The following IPO11 variants were observed in gnomAD, a reference collection of about 807,000 sequenced individuals.
IPO11 encodes importin 11.
In IPO11, 66 loss-of-function variants were observed where a neutral mutation model predicts 143.2. The ratio of observed to expected loss-of-function variants is 0.46; its 90% CI spans 0.38 to 0.57. IPO11 has a LOEUF of 0.57. IPO11 is among the 20% of genes least tolerant of loss of function. IPO11 has a pLI of 0.00. For synonymous variants in IPO11, 385 were observed against 377.8 expected (o/e 1.02, Z -0.22); for missense variants, 1,026 against 1,141.0 (o/e 0.90, Z 1.45).
chr5:62,485,537 CTATTA>C lies in IPO11; in HGVS notation c.1218+76_1218+80del. 6 of 1,166,560 alleles carry C rather than the reference CTATTA, an allele frequency of 5.1e-6. No individual in the cohort carries two copies. In the South Asian group the frequency reaches 7.8e-5, roughly 15 times the overall value. 72.3% of individuals were successfully genotyped at this position (1,166,560 alleles called of 1,614,324 possible). A position where few individuals can be genotyped will look rare whatever the true frequency, so the allele number is the denominator to read the frequency against. On this transcript the variant is annotated intron_variant, in intron 12 of 29. Coordinates refer to ENST00000325324, the MANE Select transcript of IPO11 (RefSeq NM_016338.5). ...AAAGCTCTTAGTAGAGAATGACACT[CTATTA>C]AAGATTCCAGACATTTGCTGGGCAT...
At chr5:62,536,584 C>T (rs1742742561) in intron 22 of IPO11, 118 bp from the exon 23 acceptor site, 13 of 1,187,072 alleles carry the variant, frequency 1.1e-5, no homozygotes, top group East Asian at 9.3e-5. Context: ...TGATAGTACT[C>T]GGAAGAGGTT....
At chr5:62,609,807 A>G (rs1352619797) in intron 29 of IPO11, among the ~76,000 whole-genome samples, 1 of 152,230 alleles carries the variant, frequency 6.6e-6, no homozygotes, top group Non-Finnish European at 1.5e-5. Context: ...CACATAATTC[A>G]GTGTCCTAAT....
chr5:62,538,453 TG>T (rs1347295212), intron 24 of IPO11, among the ~76,000 whole-genome samples: 1 of 152,192 alleles, frequency 6.6e-6, no homozygotes, highest in African/African-American at 2.4e-5. Flanking sequence ...ATCCTGGGGA[TG>T]GTTTTCCCCA....
chr5:62,514,134 C>A (rs939338041), intron 19 of IPO11, among the ~76,000 whole-genome samples: 12 of 151,708 alleles, frequency 7.9e-5, no homozygotes, highest in African/African-American at 2.9e-4. Context: ...AGGGGCTCCT[C>A]ACATCCCAGA....
chr5:62,433,410 G>A (rs1255527077), intron 1 of IPO11, among the ~76,000 whole-genome samples: 1 of 152,076 alleles, frequency 6.6e-6, no homozygotes, highest in African/African-American at 2.4e-5. Context: ...AGGCACGTTC[G>A]TATATTGGTT....
intron 19 of IPO11, 146 bp downstream of exon 19, chr5:62,506,503 A>T (rs545233299): frequency 3.9e-6 from 2 of 506,466 alleles, no homozygotes; most frequent in African/African-American, 3.8e-5. Context: ...GTTATGTATT[A>T]TTCAAAATTG....
intron 9 of IPO11, among the ~76,000 whole-genome samples, chr5:62,479,206 G>A (rs989297628): frequency 6.6e-6 from 1 of 152,112 alleles, no homozygotes. Flanking sequence ...CCGTCCTTGC[G>A]ATAGTATGCT....
chr5:62,480,018 C>G (rs1406061775), intron 9 of IPO11, among the ~76,000 whole-genome samples: 4 of 152,158 alleles, frequency 2.6e-5, no homozygotes, highest in Non-Finnish European at 5.9e-5. Context: ...TTTGCCCATA[C>G]CTATGTCCTG....
At chr5:62,625,789 A>T (rs1746546189) in intron 29 of IPO11, among the ~76,000 whole-genome samples, 1 of 152,230 alleles carries the variant, frequency 6.6e-6, no homozygotes, top group South Asian at 2.1e-4. Flanking sequence ...ATTATTAGAC[A>T]CTTATATAAG....
intron 1 of IPO11, among the ~76,000 whole-genome samples, chr5:62,417,120 G>GTT (rs34609055): frequency 3.7e-4 from 54 of 146,484 alleles, no homozygotes; most frequent in Admixed American, 9.6e-4. Flanking sequence ...ATTTTTCTTA[G>GTT]TTTTTTTTTT....
intron 27 of IPO11, among the ~76,000 whole-genome samples, chr5:62,570,643 C>T (rs1050443672): frequency 1.3e-5 from 2 of 151,966 alleles, no homozygotes; most frequent in Non-Finnish European, 2.9e-5. Context: ...ATCTCCTGTC[C>T]TGACTATTTA....
chr5:62,501,214 A>G (rs1333800603), intron 16 of IPO11, among the ~76,000 whole-genome samples: 1 of 151,138 alleles, frequency 6.6e-6, no homozygotes, highest in African/African-American at 2.4e-5. Flanking sequence ...TCTTTTGTAC[A>G]CTCTCTAATT....
chr5:62,567,119 A>G (rs1743971470), intron 27 of IPO11, among the ~76,000 whole-genome samples: 2 of 152,144 alleles, frequency 1.3e-5, no homozygotes, highest in South Asian at 4.2e-4. Flanking sequence ...GTGGTGATGA[A>G]TTCCCTCAGC....
intron 27 of IPO11, among the ~76,000 whole-genome samples, chr5:62,568,098 TG>T (rs1473772135): frequency 6.6e-6 from 1 of 151,850 alleles, no homozygotes; most frequent in Admixed American, 6.6e-5. Flanking sequence ...CCCAGTTAGC[TG>T]GGACTACAGG....
Position 62,451,746 on chromosome 5 carries a change from C to T in IPO11, c.329C>T (p.Ala110Val), listed in dbSNP as rs1232389406. ...EPINQIATQI[A>V]VLIAKVARLD... ...TCCTTTCAGATTGCAACTCAGATTGCAGTGCTCATTGCAAAAGTTGCTAGA... is the reference window on the plus strand; with the variant it reads ...TCCTTTCAGATTGCAACTCAGATTGTAGTGCTCATTGCAAAAGTTGCTAGA... Residue 110 changes from alanine (A) to valine (V), a missense_variant, in exon 5 of 30, where the codon GCA becomes GTA. Ala to Val is a moderately conservative substitution (Grantham distance 64). This residue lies in a region of IPO11 where 429 missense variants were observed against 456.3 expected (regional missense o/e 0.94). Coordinates refer to ENST00000325324, the MANE Select transcript of IPO11 (RefSeq NM_016338.5). 3 of 1,613,888 alleles carry T rather than the reference C, an allele frequency of 1.9e-6. No individual in the cohort carries two copies. Among genetic ancestry groups the T allele is most frequent in the Admixed American group, 1.7e-5 (1 of 60,006 alleles).
chr5:62,425,633 T>A (rs1743706820), intron 1 of IPO11, among the ~76,000 whole-genome samples: 1 of 152,188 alleles, frequency 6.6e-6, no homozygotes, highest in Admixed American at 6.5e-5. Context: ...AAATTATTTT[T>A]ACAGCTTTAG....
intron 9 of IPO11, among the ~76,000 whole-genome samples, chr5:62,478,001 C>G (rs191201800): frequency 2.6e-5 from 4 of 152,230 alleles, no homozygotes; most frequent in Admixed American, 1.3e-4. Context: ...GACATCATCA[C>G]TCAGCAACAA....
intron 15 of IPO11, among the ~76,000 whole-genome samples, chr5:62,492,394 G>A (rs1746650955): frequency 6.6e-6 from 1 of 152,102 alleles, no homozygotes; most frequent in Non-Finnish European, 1.5e-5. Flanking sequence ...TTATCTCAAA[G>A]ACTTGCTCAG....
intron 27 of IPO11, among the ~76,000 whole-genome samples, chr5:62,574,082 C>G (rs888727264): frequency 1.8e-4 from 27 of 152,080 alleles, no homozygotes; most frequent in African/African-American, 6.0e-4. Context: ...AAGTATTATC[C>G]TCAAAATACA....
Sources: gnomAD v4.1 joint callset for allele counts (sites outside exome capture counted in the v4.1 genomes callset) on GRCh38, gnomAD v4.1.1 for gene constraint, gnomAD v4.1.1 regional missense constraint, MANE v1.5 for transcripts, NCBI Gene and HGNC (gene_info 2026-07-23, HGNC 2026-07-21) for gene names.